Variants in AP3B2 observed in about 807,000 individuals in gnomAD.
AP3B2 encodes the protein AP-3 complex subunit beta-2.
A neutral mutation model predicts 126.9 loss-of-function variants in AP3B2; 50 were observed. The ratio of observed to expected loss-of-function variants is 0.39; its 90% confidence interval spans 0.31 to 0.50. The LOEUF is 0.50. Among genes scored for constraint, AP3B2 ranks in the 20% least tolerant of loss-of-function variants. The pLI is 0.79. For missense variants in AP3B2, 1,177 were observed against 1,426.4 expected (o/e 0.83, Z 2.82); for synonymous variants, 541 against 565.0 (o/e 0.96, Z 0.60).
At chr15:82,692,182 C>T (rs1446918605) in intron 1 of AP3B2, 7 of 1,452,000 alleles carry the variant, frequency 4.8e-6, no homozygotes, top group Non-Finnish European at 6.6e-6. Context: ...CCATAAATAG[C>T]ATCCTCTGCA....
At chr15:82,677,589 G>A (rs2048264463) in intron 12 of AP3B2, 82 bp downstream of exon 12, 2 of 1,459,232 alleles carry the variant, frequency 1.4e-6, no homozygotes, top group African/African-American at 1.4e-5. Flanking sequence ...GCAGACTGGT[G>A]GATATCCAGT....
At chr15:82,707,715 G>A (rs1454161496) in intron 1 of AP3B2, among the ~76,000 whole-genome samples, 1 of 152,124 alleles carries the variant, frequency 6.6e-6, no homozygotes, top group African/African-American at 2.4e-5. Context: ...TTTAATACCT[G>A]TTTTTCTCCT....
intron 1 of AP3B2, among the ~76,000 whole-genome samples, chr15:82,699,468 A>G (rs562853734): frequency 6.6e-6 from 1 of 152,048 alleles, no homozygotes; most frequent in Non-Finnish European, 1.5e-5. Flanking sequence ...CTCAGCCCCC[A>G]TACGGTGCCC....
chr15:82,686,760 C>T (rs907216920), intron 4 of AP3B2: 5 of 149,868 alleles, frequency 3.3e-5, no homozygotes, highest in Admixed American at 6.7e-5. Context: ...CTCACACTGT[C>T]GCCTGGGCTG....
chr15:82,670,495 A>G (rs2048138315), intron 14 of AP3B2, among the ~76,000 whole-genome samples: 1 of 152,228 alleles, frequency 6.6e-6, no homozygotes, highest in African/African-American at 2.4e-5. Flanking sequence ...AAAACGGGAT[A>G]TCCACATGCA....
chr15:82,677,973 AAC>A, intron 11 of AP3B2, 130 bp downstream of exon 11: 1 of 1,366,744 alleles, frequency 7.3e-7, no homozygotes, highest in Non-Finnish European at 1.0e-6. Flanking sequence ...AAGCCAGCCA[AAC>A]ACATTGGAAC....
intron 1 of AP3B2, chr15:82,699,582 C>G: frequency 2.5e-6 from 1 of 399,710 alleles, no homozygotes; most frequent in Admixed American, 4.4e-5. Flanking sequence ...AACTGCCCAT[C>G]CCTGGCCTTC....
chr15:82,686,217 CA>C (rs1167684153), intron 4 of AP3B2: 3 of 152,144 alleles, frequency 2.0e-5, no homozygotes, highest in Non-Finnish European at 4.4e-5. Flanking sequence ...ACCAACTGTA[CA>C]AAGACAGGAT....
At chr15:82,682,255 G>A (rs1367436438) in intron 4 of AP3B2, among the ~76,000 whole-genome samples, 3 of 151,914 alleles carry the variant, frequency 2.0e-5, no homozygotes, top group Non-Finnish European at 4.4e-5. Context: ...GTTTCGCCGT[G>A]TTGGCCAGGC....
chr15:82,662,337 C>T (rs923378793), intron 23 of AP3B2, 85 bp from the exon 24 acceptor site: 3 of 1,048,726 alleles, frequency 2.9e-6, no homozygotes, highest in South Asian at 1.4e-5. Context: ...CTACTCTCCT[C>T]TCCACTGTCA....
At chr15:82,689,577 G>C (rs1485689191) in intron 1 of AP3B2, 124 bp from the exon 2 acceptor site, 1 of 800,174 alleles carries the variant, frequency 1.2e-6, no homozygotes, top group Non-Finnish European at 2.0e-6. Context: ...GACCCGAGGA[G>C]GGACCAGAGC....
At chr15:82,661,080 C>G (rs1025972736) in intron 25 of AP3B2, among the ~76,000 whole-genome samples, 1 of 152,162 alleles carries the variant, frequency 6.6e-6, no homozygotes, top group Non-Finnish European at 1.5e-5. Flanking sequence ...CCACCTCTCC[C>G]TGTGCTCCTT....
At chr15:82,701,976 G>A (rs773363558) in intron 1 of AP3B2, among the ~76,000 whole-genome samples, 1 of 152,106 alleles carries the variant, frequency 6.6e-6, no homozygotes, top group Non-Finnish European at 1.5e-5. Flanking sequence ...CCTCCTTCTT[G>A]AAATTACATT....
intron 14 of AP3B2, among the ~76,000 whole-genome samples, chr15:82,674,837 C>T (rs1279551395): frequency 3.4e-5 from 5 of 147,612 alleles, no homozygotes; most frequent in African/African-American, 1.3e-4. Context: ...GTCAGACTCC[C>T]ACCTACATAT....
chr15:82,662,913 G>T lies in AP3B2; in HGVS notation c.2614C>A (p.Pro872Thr). The change falls in exon 23 of 27, where the codon CCA becomes ACA. Residue 872 changes from proline (P) to threonine (T), a missense_variant. By Grantham distance (38) the Pro-to-Thr change is conservative. Around this residue, in one of 5 missense-constraint regions of AP3B2, gnomAD observed 587 missense variants for 571.3 expected, o/e 1.03. Transcript: ENST00000535359. ...DSTLVPSLLS[P>T]VSGVGRQELL... ...TCCTGCCGCCCAACACCCGATACTG[G>T]ACTCAGAAGCTAGAGTGGAGGGGTA... 1 of 1,612,662 alleles carries T rather than the reference G, an allele frequency of 6.2e-7. No homozygotes were observed.
intron 1 of AP3B2, chr15:82,691,774 T>C (rs920794016): frequency 1.3e-6 from 2 of 1,566,178 alleles, no homozygotes; most frequent in East Asian, 2.3e-5. Context: ...GGCTTTAGTA[T>C]GGAGAGTCAC....
rs112209776 is a variant in AP3B2 at position 82,703,304 on chromosome 15, C to T, written c.113+6290G>A. On this transcript the variant is annotated intron_variant, in intron 1 of 26. Transcript: ENST00000535359. ...GTTTCTACCCTCTCTTTTCTCTCCA[C>T]GTTCCTGGGGGACAAGCACCCCCGA... 5.3e-5 allele frequency among the ~76,000 whole-genome samples: 8 copies of T among 151,964 alleles called. 1 individual carries two copies. Among genetic ancestry groups the T allele is most frequent in the Admixed American group, 3.3e-4 (5 of 15,274 alleles).
intron 1 of AP3B2, chr15:82,700,009 TCA>T (rs886283119): frequency 5.0e-6 from 2 of 397,320 alleles, no homozygotes; most frequent in African/African-American, 2.1e-5. Context: ...TCTTCACTGC[TCA>T]GAGACAAGGC....
In AP3B2 at chr15:82,665,502, T is replaced by A; in HGVS notation, c.1926A>T (p.Pro642=). 1 of 1,613,816 alleles carries A rather than the reference T, an allele frequency of 6.2e-7. No homozygotes were observed. The highest frequency in any genetic ancestry group is 1.7e-5 in the Admixed American group (1 of 60,008). ...NAKATGYQEL[P]DWPEEAPDPS... ...GGTCTGGGGCTTCCTCCGGCCAGTCTGGGAGCTCCTGGTAGCCTGTGGCCT... is the reference window on the plus strand; with the variant it reads ...GGTCTGGGGCTTCCTCCGGCCAGTCAGGGAGCTCCTGGTAGCCTGTGGCCT... Residue 642 remains proline (P), a synonymous_variant, in exon 16 of 27, where the codon CCA becomes CCT. Transcript: ENST00000535359. This position sits in a 1 kb window ranked among gnomAD's most constrained non-coding sequence, Gnocchi z 4.4.
Sources: gnomAD v4.1 joint callset for allele counts (sites outside exome capture counted in the v4.1 genomes callset) on GRCh38, gnomAD v4.1.1 for gene constraint, gnomAD v4.1.1 regional missense constraint, Gnocchi (gnomAD v3.1) non-coding constraint, MANE v1.5 for transcripts, NCBI Gene and HGNC (gene_info 2026-07-23, HGNC 2026-07-21) for gene names.